ARMC9: variants seen among roughly 807,000 people sequenced by gnomAD.
ARMC9 encodes the protein armadillo repeat containing 9.
A neutral mutation model predicts 107.0 loss-of-function variants in ARMC9; 94 were observed. The ratio of observed to expected loss-of-function variants is 0.88; its 90% confidence interval spans 0.74 to 1.04. ARMC9 has a LOEUF of 1.04. Ranked by LOEUF, ARMC9 falls within the 50% of genes least tolerant of loss-of-function variation. The pLI is 0.00. For missense variants in ARMC9, 942 were observed against 1,030.1 expected (o/e 0.91, Z 1.17); for synonymous variants, 380 against 396.9 (o/e 0.96, Z 0.51).
In ARMC9 at chr2:231,358,111, C is replaced by G. The variant is rs1239514503; in HGVS notation, c.2131+2177C>G. Among the ~76,000 whole-genome samples the G allele has an allele frequency of 6.6e-6, 1 of 152,324 alleles. No individual in the cohort carries two copies. The highest frequency in any genetic ancestry group is 1.5e-5 in the Non-Finnish European group (1 of 68,026). On this transcript the variant is annotated intron_variant, in intron 22 of 24. Coordinates refer to ENST00000611582, the MANE Select transcript of ARMC9 (RefSeq NM_001352754.2). The surrounding 1 kb of genome is among the most constrained non-coding windows in gnomAD (Gnocchi z 4.5). ...CCTAAGGGATGGATGGCAAACAGCC[C>G]TCTGCTTCTGTGCTCCATCTGGGCT...
chr2:231,298,366 C>T (rs529446104), intron 19 of ARMC9, among the ~76,000 whole-genome samples: 3 of 152,266 alleles, frequency 2.0e-5, no homozygotes, highest in East Asian at 1.9e-4. Context: ...GCTAGCATTA[C>T]GTTTATAACT....
chr2:231,289,410 T>C (rs903789424), intron 17 of ARMC9, among the ~76,000 whole-genome samples: 1 of 152,242 alleles, frequency 6.6e-6, no homozygotes, highest in Non-Finnish European at 1.5e-5. Context: ...GAGGTTGCAG[T>C]GATCAGAGAT....
In ARMC9 at chr2:231,330,229, CTTT is replaced by C. The variant is rs201716312; in HGVS notation, c.1774-1550_1774-1548del. ...AGCGTGTTCAATTTTCTTTTTCTTT[CTTT>C]TTTTTTTTTTTTTGAGACGGAATCT... On this transcript the variant is annotated intron_variant, in intron 19 of 24. Coordinates refer to ENST00000611582, the MANE Select transcript of ARMC9 (RefSeq NM_001352754.2). Among the ~76,000 whole-genome samples, 97 of 134,804 alleles carry C rather than the reference CTTT, an allele frequency of 7.2e-4. 1 individual carries two copies. The highest frequency in any genetic ancestry group is 2.5e-3 in the African/African-American group (90 of 35,904). 88.4% of individuals were successfully genotyped at this position (134,804 alleles called of 152,430 possible).
intron 20 of ARMC9, among the ~76,000 whole-genome samples, chr2:231,337,484 T>G (rs1046148102): frequency 3.2e-5 from 4 of 125,170 alleles, no homozygotes; most frequent in African/African-American, 1.3e-4. Context: ...TTTTTTTTTT[T>G]TTTGAGACAG....
At chr2:231,273,550 G>A (rs1004949864) in intron 14 of ARMC9, among the ~76,000 whole-genome samples, 1 of 152,096 alleles carries the variant, frequency 6.6e-6, no homozygotes, top group African/African-American at 2.4e-5. Flanking sequence ...AGCCTAGACC[G>A]TCATGACTTG....
intron 21 of ARMC9, among the ~76,000 whole-genome samples, chr2:231,348,784 G>C (rs2044915078): frequency 6.6e-6 from 1 of 152,180 alleles, no homozygotes; most frequent in Non-Finnish European, 1.5e-5. Context: ...GATTTGAATA[G>C]ACATTTCTCA....
At chr2:231,365,060 A>G (rs562551408) in intron 23 of ARMC9, among the ~76,000 whole-genome samples, 1 of 152,326 alleles carries the variant, frequency 6.6e-6, no homozygotes, top group African/African-American at 2.4e-5. Context: ...TCCTCCCAGC[A>G]TGGTGAGCTC....
At chr2:231,334,784 C>G (rs78569027) in intron 20 of ARMC9, among the ~76,000 whole-genome samples, 3,719 of 152,254 alleles carry the variant, frequency 0.024, 160 homozygotes, top group African/African-American at 0.085. Context: ...CCTCTGTGTG[C>G]CGGGTTGGGG....
intron 19 of ARMC9, among the ~76,000 whole-genome samples, chr2:231,327,762 C>T (rs1054175772): frequency 1.3e-5 from 2 of 151,990 alleles, no homozygotes; most frequent in African/African-American, 4.8e-5. Context: ...AATGTAGTTG[C>T]ATGTTTAGCT....
chr2:231,350,151 A>G (rs2044999398), intron 21 of ARMC9, among the ~76,000 whole-genome samples: 1 of 151,680 alleles, frequency 6.6e-6, no homozygotes, highest in Non-Finnish European at 1.5e-5. Flanking sequence ...TCAGCCTCCC[A>G]AGTAGCTGGG....
chr2:231,352,513 G>A (rs1156588606), intron 21 of ARMC9, among the ~76,000 whole-genome samples: 3 of 151,116 alleles, frequency 2.0e-5, no homozygotes, highest in Non-Finnish European at 2.9e-5. Flanking sequence ...TAGTAGAGAC[G>A]GGTTTTCACC....
chr2:231,266,443 A>C (rs1280425963), intron 12 of ARMC9, among the ~76,000 whole-genome samples: 1 of 152,020 alleles, frequency 6.6e-6, no homozygotes, highest in African/African-American at 2.4e-5. Flanking sequence ...CTTCATAAAT[A>C]TCTCTCTTCA....
rs574236670 is a variant in ARMC9 at position 231,278,367 on chromosome 2, A to T, written c.1475-15A>T. 2.1e-5 allele frequency: 34 copies of T among 1,613,762 alleles called. No homozygotes were observed. In the Admixed American group the frequency reaches 5.3e-4, roughly 25 times the overall value. ...TTTAGACATGTCATGTTTAGCTTTG[A>T]TTTGTTTCCCATAGGGAAGAACATG... On this transcript the variant is annotated splice_polypyrimidine_tract_variant and intron_variant, in intron 15 of 24. Transcript: ENST00000611582.
chr2:231,354,974 C>T (rs891582747), intron 21 of ARMC9, among the ~76,000 whole-genome samples: 2 of 152,214 alleles, frequency 1.3e-5, no homozygotes, highest in African/African-American at 4.8e-5. Flanking sequence ...GTGTCTCCCC[C>T]AGCTTGGGTG....
In ARMC9 at chr2:231,374,443, G is replaced by C. The variant is rs548903240; in HGVS notation, c.*2908G>C. ...GGCAAGAGCTTAAATTAGGACCTGT[G>C]GTGGGGACTTTAATAGGCAGGTGGA... is the stretch of plus-strand genomic sequence containing the variant. On this transcript the variant is annotated 3_prime_UTR_variant, in exon 25 of 25. Transcript: ENST00000611582. The C allele has an allele frequency of 2.6e-5, 4 of 152,150 alleles. No individual in the cohort carries two copies. The South Asian group carries it at 8.3e-4, about 32-fold the overall frequency. 9.4% of individuals were successfully genotyped at this position (152,150 alleles called of 1,614,324 possible).
chr2:231,235,460 AG>A, intron 8 of ARMC9, 79 bp downstream of exon 8: 2 of 1,495,032 alleles, frequency 1.3e-6, no homozygotes, highest in Non-Finnish European at 1.8e-6. Flanking sequence ...TTGATATGGC[AG>A]GTGGAGCCTG....
Position 231,372,249 on chromosome 2 carries a change from G to C in ARMC9, c.*714G>C, listed in dbSNP as rs372003445. The C allele has an allele frequency of 6.6e-6, 1 of 152,276 alleles. No individual in the cohort carries two copies. Among genetic ancestry groups the C allele is most frequent in the African/African-American group, 2.4e-5 (1 of 41,428 alleles). The allele number at this position is 152,276 out of a possible 1,614,324, so 9.4% of individuals were successfully genotyped here. ...CCGGGCGTGGTGGCGGGCGCTTGTA[G>C]TCCCAGCTACTCTGGAGGCTGAGGC... On this transcript the variant is annotated 3_prime_UTR_variant, in exon 25 of 25. Coordinates refer to ENST00000611582, the MANE Select transcript of ARMC9 (RefSeq NM_001352754.2).
intron 17 of ARMC9, among the ~76,000 whole-genome samples, chr2:231,285,583 T>C (rs1574949115): frequency 6.6e-6 from 1 of 151,556 alleles, no homozygotes; most frequent in Non-Finnish European, 1.5e-5. Flanking sequence ...GAGACAGAGG[T>C]TGTAGTGAGC....
chr2:231,246,123 A>T (rs1004738955), intron 9 of ARMC9, among the ~76,000 whole-genome samples: 3 of 152,224 alleles, frequency 2.0e-5, no homozygotes, highest in African/African-American at 7.2e-5. Context: ...ATTTAGAAAG[A>T]TGCCCATTTG....
Sources: gnomAD v4.1 joint callset for allele counts (sites outside exome capture counted in the v4.1 genomes callset) on GRCh38, gnomAD v4.1.1 for gene constraint, Gnocchi (gnomAD v3.1) non-coding constraint, MANE v1.5 for transcripts, NCBI Gene and HGNC (gene_info 2026-07-23, HGNC 2026-07-21) for gene names.